The following NECAB2 variants were observed in gnomAD, a reference collection of about 807,000 sequenced individuals.
The protein encoded by NECAB2 is N-terminal EF-hand calcium binding protein 2.
Under a neutral mutation model 51.9 loss-of-function variants are expected in NECAB2, and 68 were observed. The ratio of observed to expected loss-of-function variants is 1.31; its 90% CI spans 1.08 to 1.60. NECAB2 has a LOEUF of 1.60. NECAB2 is among the 40% of genes most tolerant of loss of function. The pLI is 0.00. For missense variants in NECAB2, 854 were observed against 490.3 expected, an observed-to-expected ratio of 1.74 and a Z score of -7.00; for synonymous variants, 329 against 203.5, an observed-to-expected ratio of 1.62 and a Z score of -5.25.
intron 5 of NECAB2, among the ~76,000 whole-genome samples, chr16:83,982,322 C>T (rs1345501611): frequency 6.6e-6 from 1 of 152,216 alleles, no homozygotes; most frequent in Non-Finnish European, 1.5e-5. Context: ...CAGTATCATG[C>T]TGTTTTGAGT....
intron 10 of NECAB2, among the ~76,000 whole-genome samples, chr16:83,999,638 C>G (rs576488398): frequency 6.6e-6 from 1 of 152,076 alleles, no homozygotes; most frequent in African/African-American, 2.4e-5. Flanking sequence ...AGTGCACTTG[C>G]AGAGAGGATT....
At chr16:84,001,673 C>A (rs1435394854) in intron 11 of NECAB2, 152 bp from the exon 12 acceptor site, 2 of 617,340 alleles carry the variant, frequency 3.2e-6, no homozygotes. Context: ...CCCTGGGCAC[C>A]CCCTCACCTT....
At chr16:83,985,374 C>A (rs967304723) in intron 5 of NECAB2, among the ~76,000 whole-genome samples, 33 of 145,388 alleles carry the variant, frequency 2.3e-4, no homozygotes, top group African/African-American at 8.0e-4. Flanking sequence ...GTGGCTCACA[C>A]CTGTAATCCC....
At position 84,000,821 on chromosome 16, in the gene NECAB2, C is replaced by G; in HGVS notation, c.1040+20C>G. The G allele has an allele frequency of 5.6e-6, 9 of 1,611,858 alleles. No individual in the cohort carries two copies. The highest frequency in any genetic ancestry group is 7.6e-6 in the Non-Finnish European group (9 of 1,178,666). On this transcript the variant is annotated intron_variant, in intron 11 of 12. Coordinates refer to ENST00000305202, the MANE Select transcript of NECAB2 (RefSeq NM_019065.3). ...GAAGAGGTGAGATGCTGGGTCCCCA[C>G]AGCAGGTGAGGGAGACAGAGGGAAG...
chr16:83,997,206 A>G lies in NECAB2; in HGVS notation c.796-10A>G. 1.9e-6 allele frequency: 3 copies of G among 1,613,978 alleles called. No homozygotes were observed. The highest frequency in any genetic ancestry group is 2.5e-6 in the Non-Finnish European group (3 of 1,179,998). ...TGGGTCTAGCATCACTGTGTGCTGG[A>G]TTGTTTCAGGCACTGTGGTTCGACC... On this transcript the variant is annotated splice_polypyrimidine_tract_variant and intron_variant, in intron 8 of 12. Coordinates refer to ENST00000305202, the MANE Select transcript of NECAB2 (RefSeq NM_019065.3).
At chr16:84,000,872 G>A (rs1388797134) in intron 11 of NECAB2, 71 bp downstream of exon 11, 3 of 1,500,798 alleles carry the variant, frequency 2.0e-6, no homozygotes, top group African/African-American at 1.4e-5. Context: ...CCTGGAGCCA[G>A]GCATCCTTGG....
chr16:83,997,090 C>A (rs931617761), intron 8 of NECAB2, 126 bp from the exon 9 acceptor site: 40 of 1,070,412 alleles, frequency 3.7e-5, no homozygotes, highest in Non-Finnish European at 4.6e-5. Flanking sequence ...CGTTGGTCTC[C>A]CAGCCCTGTG....
At chr16:84,002,004 T>G in intron 12 of NECAB2, 88 bp downstream of exon 12, 3 of 1,419,988 alleles carry the variant, frequency 2.1e-6, no homozygotes, top group Non-Finnish European at 2.9e-6. Flanking sequence ...TCCCGGGGAC[T>G]TGCCTGCTTG....
At position 83,981,162 on chromosome 16, in the gene NECAB2, C is replaced by G. The variant is rs769146368; in HGVS notation, c.459+35C>G. The stretch of plus-strand genomic sequence containing the variant: ...TGTAGGTGGCCCCCGGGGTCCAGGG[C>G]TCCAGTGCTGCTTCAGTTCCACCCT... On this transcript the variant is annotated intron_variant, in intron 5 of 12. Transcript: ENST00000305202. The G allele has an allele frequency of 3.8e-6, 6 of 1,564,400 alleles. No homozygotes were observed. In the South Asian group the frequency reaches 6.7e-5, roughly 17 times the overall value.
intron 2 of NECAB2, among the ~76,000 whole-genome samples, chr16:83,975,025 G>A (rs527760903): frequency 7.4e-6 from 1 of 134,362 alleles, no homozygotes; most frequent in African/African-American, 2.8e-5. Flanking sequence ...GATGAGAGCA[G>A]GTGTGCAGGG....
chr16:83,978,630 C>T (rs1002590810), intron 3 of NECAB2, 78 bp downstream of exon 3: 3 of 1,256,602 alleles, frequency 2.4e-6, no homozygotes, highest in East Asian at 4.7e-5. Context: ...AGTGTCCGTT[C>T]CTAGTCCCCT....
intron 10 of NECAB2, among the ~76,000 whole-genome samples, chr16:83,999,983 T>C (rs1215457440): frequency 6.6e-6 from 1 of 151,946 alleles, no homozygotes; most frequent in African/African-American, 2.4e-5. Flanking sequence ...CACCAGAGGG[T>C]TTAAATGAGT....
rs538086643 is a variant in NECAB2 at position 84,000,901 on chromosome 16, G to C, written c.1040+100G>C. On this transcript the variant is annotated intron_variant, in intron 11 of 12. Transcript: ENST00000305202. ...TCCTTGGAGGGGAGGGTAAGGCCGA[G>C]TCCAGTCAGCAGATTCCCGAGGCAT... 1.3e-4 allele frequency: 158 copies of C among 1,204,026 alleles called. No homozygotes were observed. In the East Asian group the frequency reaches 2.5e-3, roughly 19 times the overall value. The allele number at this position is 1,204,026 out of a possible 1,614,324, so 74.6% of individuals were successfully genotyped here.
intron 7 of NECAB2, 60 bp downstream of exon 7, chr16:83,994,480 A>T (rs1232340064): frequency 6.9e-6 from 11 of 1,599,266 alleles, no homozygotes; most frequent in Non-Finnish European, 9.4e-6. Context: ...GAGTTCTGAG[A>T]GTCCTCTGAC....
At chr16:83,977,288 A>G (rs988230375) in intron 2 of NECAB2, among the ~76,000 whole-genome samples, 5 of 152,016 alleles carry the variant, frequency 3.3e-5, no homozygotes, top group African/African-American at 1.2e-4. Flanking sequence ...TTAAGGAGGA[A>G]CAGATCCTTG....
At chr16:83,998,929 G>C (rs1031626937) in intron 10 of NECAB2, among the ~76,000 whole-genome samples, 2 of 152,158 alleles carry the variant, frequency 1.3e-5, no homozygotes, top group African/African-American at 2.4e-5. Flanking sequence ...AGAGTGGAGG[G>C]GGTTGCAGAA....
At chr16:83,977,106 T>A (rs2084420200) in intron 2 of NECAB2, among the ~76,000 whole-genome samples, 1 of 152,238 alleles carries the variant, frequency 6.6e-6, no homozygotes, top group African/African-American at 2.4e-5. Context: ...AGTCTTTTTC[T>A]AATCCATAGG....
At chr16:84,001,450 T>G (rs1413565879) in intron 11 of NECAB2, among the ~76,000 whole-genome samples, 1 of 152,108 alleles carries the variant, frequency 6.6e-6, no homozygotes, top group Non-Finnish European at 1.5e-5. Flanking sequence ...GAGTGTCCCC[T>G]CCCTGTCCGT....
At chr16:83,989,847 C>T (rs1184916539) in intron 5 of NECAB2, among the ~76,000 whole-genome samples, 3 of 152,180 alleles carry the variant, frequency 2.0e-5, no homozygotes, top group Non-Finnish European at 2.9e-5. Flanking sequence ...CCCAGAGTTC[C>T]GCTAAGACTC....
Sources: allele counts gnomAD v4.1 joint callset (sites outside exome capture counted in the v4.1 genomes callset), GRCh38; gene constraint gnomAD v4.1.1; transcripts MANE v1.5; gene names NCBI Gene and HGNC (gene_info 2026-07-23, HGNC 2026-07-21).